The following SLC24A2 variants were observed in gnomAD, a reference collection of about 807,000 sequenced individuals.
The protein encoded by SLC24A2 is sodium/potassium/calcium exchanger 2.
A neutral mutation model predicts 62.0 loss-of-function variants in SLC24A2; 36 were observed. That is an observed-to-expected ratio of 0.58 (90% confidence interval 0.44 to 0.77). The LOEUF (loss-of-function observed/expected upper bound fraction) is 0.77, where lower values mean the gene tolerates loss of function less well. Ranked by LOEUF, SLC24A2 falls within the 30% of genes least tolerant of loss-of-function variation. SLC24A2 has a pLI of 0.00. For missense variants in SLC24A2, 846 were observed against 817.9 expected, an observed-to-expected ratio of 1.03 and a Z score of -0.42; for synonymous variants, 358 against 294.0, an observed-to-expected ratio of 1.22 and a Z score of -2.23.
the SLC24A2 span, among the ~76,000 whole-genome samples, chr9:20,234,903 T>C: frequency 6.6e-6 from 1 of 152,198 alleles, no homozygotes; most frequent in African/African-American, 2.4e-5. Flanking sequence ...GATGGGTTTT[T>C]GGTGTGGATG....
chr9:19,926,095 G>T, the SLC24A2 span: 1 of 152,118 alleles, frequency 6.6e-6, no homozygotes, highest in Non-Finnish European at 1.5e-5. Context: ...AGGCCATAAG[G>T]TAGCGATCTC....
intron 2 of SLC24A2, among the ~76,000 whole-genome samples, chr9:19,761,467 T>TTTTTA (rs144919709): frequency 0.22 from 32,780 of 150,166 alleles, 3,881 homozygotes; most frequent in South Asian, 0.28. Context: ...TTTTTTAATT[T>TTTTTA]TTTTATTTTA....
chr9:19,642,565 G>A (rs16937677), intron 2 of SLC24A2, among the ~76,000 whole-genome samples: 11,132 of 151,842 alleles, frequency 0.073, 870 homozygotes, highest in African/African-American at 0.2. Context: ...CACTTAAAGA[G>A]TAGTTATGCC....
At chr9:19,590,079 C>A (rs1203093999) in intron 5 of SLC24A2, among the ~76,000 whole-genome samples, 1 of 152,136 alleles carries the variant, frequency 6.6e-6, no homozygotes, top group Non-Finnish European at 1.5e-5. Flanking sequence ...AGAGGGTCCC[C>A]AAAACTCCCC....
chr9:19,544,522 T>C (rs1292811957), intron 8 of SLC24A2, among the ~76,000 whole-genome samples: 1 of 152,120 alleles, frequency 6.6e-6, no homozygotes, highest in South Asian at 2.1e-4. Context: ...TTCTTTATAG[T>C]GTTGATGGTC....
chr9:20,058,487 C>T, the SLC24A2 span, among the ~76,000 whole-genome samples: 4 of 105,224 alleles, frequency 3.8e-5, no homozygotes, highest in Admixed American at 1.1e-4. Context: ...AACCCATGCC[C>T]TTCATACACA....
At chr9:19,980,517 T>C in the SLC24A2 span, among the ~76,000 whole-genome samples, 1 of 152,126 alleles carries the variant, frequency 6.6e-6, no homozygotes, top group African/African-American at 2.4e-5. Flanking sequence ...TTCTGGCACA[T>C]AGTGGACACT....
At chr9:19,517,048 C>T (rs1338441335) in intron 10 of SLC24A2, among the ~76,000 whole-genome samples, 3 of 152,054 alleles carry the variant, frequency 2.0e-5, no homozygotes, top group Non-Finnish European at 4.4e-5. Context: ...TTAAAAAAAA[C>T]TTTATTATAT....
At chr9:19,527,963 T>G (rs1833517267) in intron 9 of SLC24A2, 86 bp downstream of exon 9, 1 of 840,484 alleles carries the variant, frequency 1.2e-6, no homozygotes, top group Non-Finnish European at 2.0e-6. Flanking sequence ...TTGTGGCAGT[T>G]GCAGAAAGCA....
chr9:19,760,282 C>T (rs1011043281), intron 2 of SLC24A2, among the ~76,000 whole-genome samples: 1 of 152,114 alleles, frequency 6.6e-6, no homozygotes, highest in Non-Finnish European at 1.5e-5. Context: ...GACAACGCAC[C>T]AGTAATTCTC....
the SLC24A2 span, among the ~76,000 whole-genome samples, chr9:20,231,170 T>C: frequency 8.5e-5 from 13 of 152,338 alleles, no homozygotes; most frequent in East Asian, 2.3e-3. Context: ...GGTAGCGTGA[T>C]GCCTCCAGCT....
At chr9:19,611,461 G>A (rs998229429) in intron 4 of SLC24A2, among the ~76,000 whole-genome samples, 47 of 151,688 alleles carry the variant, frequency 3.1e-4, no homozygotes, top group African/African-American at 1.1e-3. Flanking sequence ...GAGAGGATAG[G>A]AGGAAGAGAG....
chr9:19,559,210 G>A (rs1322264792), intron 7 of SLC24A2, among the ~76,000 whole-genome samples: 3 of 152,124 alleles, frequency 2.0e-5, no homozygotes, highest in African/African-American at 7.2e-5. Context: ...AGCTTGACTA[G>A]GTGAATTATA....
the SLC24A2 span, among the ~76,000 whole-genome samples, chr9:20,303,845 T>C: frequency 6.6e-6 from 1 of 152,152 alleles, no homozygotes; most frequent in East Asian, 1.9e-4. Context: ...TTGCATCTTA[T>C]CTGAAGCTAA....
chr9:19,610,945 T>C (rs1837141449), intron 4 of SLC24A2, among the ~76,000 whole-genome samples: 1 of 152,182 alleles, frequency 6.6e-6, no homozygotes, highest in African/African-American at 2.4e-5. Flanking sequence ...CCTGCTCTGT[T>C]GGAGGAATAA....
chr9:20,103,545 A>G, the SLC24A2 span, among the ~76,000 whole-genome samples: 1 of 152,172 alleles, frequency 6.6e-6, no homozygotes, highest in African/African-American at 2.4e-5. Flanking sequence ...GTTTATGAAA[A>G]TCCACTGTTC....
the SLC24A2 span, among the ~76,000 whole-genome samples, chr9:19,877,612 G>A: frequency 6.6e-6 from 1 of 151,724 alleles, no homozygotes; most frequent in African/African-American, 2.4e-5. Flanking sequence ...GAAGTGACTT[G>A]CCCAAAGTAA....
chr9:19,884,965 C>T, the SLC24A2 span, among the ~76,000 whole-genome samples: 1 of 152,128 alleles, frequency 6.6e-6, no homozygotes, highest in Admixed American at 6.5e-5. Context: ...AGTTGAGGAG[C>T]ATCTGTATTC....
At chr9:20,025,309 G>C in the SLC24A2 span, among the ~76,000 whole-genome samples, 4 of 152,102 alleles carry the variant, frequency 2.6e-5, no homozygotes, top group Non-Finnish European at 4.4e-5. Context: ...TGGTCACTCA[G>C]TAAGTATTTA....
Sources: gnomAD v4.1 joint callset for allele counts (sites outside exome capture counted in the v4.1 genomes callset) on GRCh38, gnomAD v4.1.1 for gene constraint, MANE v1.5 for transcripts, NCBI Gene and HGNC (gene_info 2026-07-23, HGNC 2026-07-21) for gene names.